WDR49: variants seen among roughly 807,000 people sequenced by gnomAD.
The protein encoded by WDR49 is cilia- and flagella-associated protein 337.
In WDR49, 107 loss-of-function variants were observed where a neutral mutation model predicts 119.5. The observed-to-expected ratio is 0.90, with a 90% CI of 0.77 to 1.05. The LOEUF (loss-of-function observed/expected upper bound fraction) is 1.05, where lower values mean the gene tolerates loss of function less well. Among genes scored for constraint, WDR49 ranks in the 50% least tolerant of loss-of-function variants. The pLI, the probability that WDR49 is intolerant of heterozygous loss-of-function variation, is 0.00. For synonymous variants in WDR49, 425 were observed against 418.8 expected, an observed-to-expected ratio of 1.01 and a Z score of -0.18; for missense variants, 1,240 against 1,220.5, an observed-to-expected ratio of 1.02 and a Z score of -0.24.
chr3:167,582,244 T>G (rs1161838774), intron 7 of WDR49, among the ~76,000 whole-genome samples: 1 of 152,146 alleles, frequency 6.6e-6, no homozygotes, highest in African/African-American at 2.4e-5. Flanking sequence ...AGCCTCTCAG[T>G]AATCCACAAA....
chr3:167,653,776 C>A (rs2108351093), intron 1 of WDR49, 58 bp downstream of exon 1: 1 of 166,030 alleles, frequency 6.0e-6, no homozygotes, highest in Non-Finnish European at 1.3e-5. Context: ...AAAACAACTT[C>A]CAATCCTCAT....
rs201011273 is a variant in WDR49, at chr3:167,537,415, GT to G, written c.1824-416del. ...TGTACTTCAAACAAAGTCAATAAGGGTTTTTTTTCATCAATTTTCTCAGGAT... is the reference window on the plus strand; with the variant it reads ...TGTACTTCAAACAAAGTCAATAAGGGTTTTTTTCATCAATTTTCTCAGGAT... On this transcript the variant is annotated intron_variant, in intron 10 of 18. Coordinates refer to ENST00000682715, the MANE Select transcript of WDR49 (RefSeq NM_001366157.1). Among the ~76,000 whole-genome samples, 95 of 151,632 alleles carry G rather than the reference GT, an allele frequency of 6.3e-4. 2 individuals are homozygous for G. The East Asian group carries it at 0.014, about 23-fold the overall frequency.
intron 18 of WDR49, among the ~76,000 whole-genome samples, chr3:167,483,560 G>A (rs1750807014): frequency 6.6e-6 from 1 of 152,078 alleles, no homozygotes; most frequent in East Asian, 1.9e-4. Flanking sequence ...TCTTGGGCCT[G>A]AAAGTTACAA....
At position 167,525,016 on chromosome 3, in the gene WDR49, T is replaced by C. The variant is rs554200455; in HGVS notation, c.2605-2532A>G. 8.5e-5 allele frequency among the ~76,000 whole-genome samples: 13 copies of C among 152,338 alleles called. No individual in the cohort carries two copies. The South Asian group carries it at 1.9e-3, about 22-fold the overall frequency. On this transcript the variant is annotated intron_variant, in intron 15 of 18. Transcript: ENST00000682715. ...TTGGGCAGTATGGCCATTTTCATGATATCGATTCTTCCTGTTCATGAGCAT... is the reference window on the plus strand; with the variant it reads ...TTGGGCAGTATGGCCATTTTCATGACATCGATTCTTCCTGTTCATGAGCAT...
At chr3:167,578,846 C>T (rs1318400197) in intron 7 of WDR49, among the ~76,000 whole-genome samples, 1 of 152,090 alleles carries the variant, frequency 6.6e-6, no homozygotes, top group African/African-American at 2.4e-5. Flanking sequence ...ATATATTATT[C>T]CCAGGAACAA....
At chr3:167,543,099 A>C (rs1242038851) in intron 10 of WDR49, among the ~76,000 whole-genome samples, 1 of 151,994 alleles carries the variant, frequency 6.6e-6, no homozygotes, top group African/African-American at 2.4e-5. Flanking sequence ...TCGGGAAGAA[A>C]TAGAAACTCT....
rs550636890 is a variant in WDR49 at position 167,481,327 on chromosome 3, A to T, written c.3032-2331T>A. 7.2e-5 allele frequency among the ~76,000 whole-genome samples: 11 copies of T among 152,278 alleles called. No individual in the cohort carries two copies. The South Asian group carries it at 2.3e-3, about 32-fold the overall frequency. Reference sequence around the variant, plus strand: ...TCTATGAAGGAAGATCACAGAGCAGAAGTGAAAAAACTAAGGGAGGAGATG... The same window carrying T: ...TCTATGAAGGAAGATCACAGAGCAGTAGTGAAAAAACTAAGGGAGGAGATG... On this transcript the variant is annotated intron_variant, in intron 18 of 18. Transcript: ENST00000682715.
intron 8 of WDR49, among the ~76,000 whole-genome samples, chr3:167,567,152 A>C (rs1307179322): frequency 1.3e-5 from 2 of 152,202 alleles, no homozygotes; most frequent in Non-Finnish European, 2.9e-5. Flanking sequence ...ATGCCATAAA[A>C]TAAGTCAAAA....
chr3:167,572,539 A>G (rs912151223), intron 8 of WDR49, among the ~76,000 whole-genome samples: 1 of 152,232 alleles, frequency 6.6e-6, no homozygotes, highest in Non-Finnish European at 1.5e-5. Flanking sequence ...ATGGGCTGAA[A>G]AAGCATTGCT....
intron 8 of WDR49, among the ~76,000 whole-genome samples, chr3:167,569,409 A>T (rs1316610168): frequency 6.6e-6 from 1 of 152,208 alleles, no homozygotes; most frequent in Non-Finnish European, 1.5e-5. Flanking sequence ...AGGCTAGTAC[A>T]TACGTATCTT....
intron 5 of WDR49, among the ~76,000 whole-genome samples, chr3:167,613,482 C>A (rs75002884): frequency 0.02 from 2,979 of 152,242 alleles, 89 homozygotes; most frequent in African/African-American, 0.064. Context: ...GCAGCGTGGT[C>A]TAGCTAACTC....
chr3:167,560,544 G>A (rs548067257), intron 8 of WDR49, among the ~76,000 whole-genome samples: 1 of 152,264 alleles, frequency 6.6e-6, no homozygotes, highest in South Asian at 2.1e-4. Flanking sequence ...CCATTTAGAT[G>A]AGAAAGCTGA....
intron 8 of WDR49, among the ~76,000 whole-genome samples, chr3:167,569,716 C>T (rs79280343): frequency 0.046 from 6,957 of 151,382 alleles, 430 homozygotes; most frequent in African/African-American, 0.13. Context: ...AGTGCCCCCT[C>T]GCAGTTCAAA....
At chr3:167,583,075 T>G (rs1483817950) in intron 7 of WDR49, among the ~76,000 whole-genome samples, 1 of 152,082 alleles carries the variant, frequency 6.6e-6, no homozygotes, top group Admixed American at 6.6e-5. Flanking sequence ...GGTGCTTTCT[T>G]TTTTCAGGAC....
intron 13 of WDR49, among the ~76,000 whole-genome samples, chr3:167,530,703 T>TA (rs1752819429): frequency 6.6e-6 from 1 of 152,160 alleles, no homozygotes; most frequent in South Asian, 2.1e-4. Context: ...CTATTTTGAT[T>TA]AGGTGCTCAT....
chr3:167,596,384 G>A (rs1345652929), intron 7 of WDR49, among the ~76,000 whole-genome samples: 3 of 150,438 alleles, frequency 2.0e-5, no homozygotes, highest in Non-Finnish European at 4.4e-5. Flanking sequence ...ATACCCAAAG[G>A]ACTATAAATC....
chr3:167,560,550 G>C lies in WDR49; in HGVS notation c.1510-322C>G, dbSNP rs1035018235. Among the ~76,000 whole-genome samples the C allele has an allele frequency of 2.6e-5, 4 of 152,224 alleles. No homozygotes were observed. In the South Asian group the frequency reaches 6.2e-4, roughly 24 times the overall value. On this transcript the variant is annotated intron_variant, in intron 8 of 18. Coordinates refer to ENST00000682715, the MANE Select transcript of WDR49 (RefSeq NM_001366157.1). ...GAATCTTTCCCATTTAGATGAGAAA[G>C]CTGATTTTACTAGTCATGGTGCTCT...
chr3:167,635,776 G>A lies in WDR49; in HGVS notation c.166-8484C>T, dbSNP rs1407903992. Among the ~76,000 whole-genome samples, 3 of 151,536 alleles carry A rather than the reference G, an allele frequency of 2.0e-5. No homozygotes were observed. In the South Asian group the frequency reaches 6.2e-4, roughly 31 times the overall value. On this transcript the variant is annotated intron_variant, in intron 2 of 18. Coordinates refer to ENST00000682715, the MANE Select transcript of WDR49 (RefSeq NM_001366157.1). ...ATAAATGTCAAATGATGAGTTGTAA[G>A]CCACTGGGAGAAATAGGTCCATCCA...
Position 167,529,136 on chromosome 3 carries a change from T to A in WDR49, c.2322A>T (p.Gly774=). ...TCTTATCAGTAGACATAATAATCGA[T>A]CCAACTCCACTATGAGCCAAAAATT... is the stretch of plus-strand genomic sequence containing the variant. ...LAEFLAHSGV[G]SIIMSTDKMN... Residue 774 remains glycine, a synonymous_variant, in exon 14 of 19, where the codon GGA becomes GGT. Coordinates refer to ENST00000682715, the MANE Select transcript of WDR49 (RefSeq NM_001366157.1). The A allele has an allele frequency of 6.2e-7, 1 of 1,612,216 alleles. No homozygotes were observed. The highest frequency in any genetic ancestry group is 8.5e-7 in the Non-Finnish European group (1 of 1,179,270).
Sources: gnomAD v4.1 joint callset for allele counts (sites outside exome capture counted in the v4.1 genomes callset) on GRCh38, gnomAD v4.1.1 for gene constraint, MANE v1.5 for transcripts, NCBI Gene and HGNC (gene_info 2026-07-23, HGNC 2026-07-21) for gene names.